L3MBTL4: variants seen among roughly 807,000 people sequenced by gnomAD.
The protein encoded by L3MBTL4 is lethal(3)malignant brain tumor-like protein 4.
A neutral mutation model predicts 84.5 loss-of-function variants in L3MBTL4; 70 were observed. The observed-to-expected ratio is 0.83, with a 90% CI of 0.68 to 1.01. The LOEUF (loss-of-function observed/expected upper bound fraction) is 1.01, where lower values mean the gene tolerates loss of function less well. L3MBTL4 is among the 50% of genes least tolerant of loss of function. The pLI is 0.00. For synonymous variants in L3MBTL4, 274 were observed against 259.8 expected (o/e 1.05, Z -0.52); for missense variants, 715 against 754.8 (o/e 0.95, Z 0.62).
intron 12 of L3MBTL4, among the ~76,000 whole-genome samples, chr18:6,212,163 T>G (rs1364144703): frequency 1.3e-5 from 2 of 152,190 alleles, no homozygotes; most frequent in African/African-American, 4.8e-5. Context: ...TTATTTAACA[T>G]AGTTTTTGTT....
At chr18:6,177,234 ACATT>A in intron 12 of L3MBTL4, among the ~76,000 whole-genome samples, 1 of 152,370 alleles carries the variant, frequency 6.6e-6, no homozygotes, top group South Asian at 2.1e-4. Context: ...CAACAGGTGA[ACATT>A]CATTCACAAA....
chr18:6,133,817 G>A (rs1320348256), intron 14 of L3MBTL4, among the ~76,000 whole-genome samples: 1 of 152,192 alleles, frequency 6.6e-6, no homozygotes, highest in Non-Finnish European at 1.5e-5. Flanking sequence ...TAAGATCTCA[G>A]GAGTTGGGTG....
intron 1 of L3MBTL4, among the ~76,000 whole-genome samples, chr18:6,383,931 GC>G (rs2054707527): frequency 6.6e-6 from 1 of 152,150 alleles, no homozygotes; most frequent in South Asian, 2.1e-4. Flanking sequence ...ATTACCAATT[GC>G]CTTCATCAAG....
chr18:6,372,004 G>A (rs2054177534), intron 1 of L3MBTL4, among the ~76,000 whole-genome samples: 1 of 152,154 alleles, frequency 6.6e-6, no homozygotes. Context: ...AGTGCTCCTG[G>A]GCCCTTGGGC....
intron 1 of L3MBTL4, among the ~76,000 whole-genome samples, chr18:6,354,211 G>A (rs1351839410): frequency 6.6e-6 from 1 of 152,100 alleles, no homozygotes; most frequent in Non-Finnish European, 1.5e-5. Flanking sequence ...AAATGGTGTT[G>A]GGAAAAGTGG....
intron 13 of L3MBTL4, among the ~76,000 whole-genome samples, chr18:6,142,800 T>C (rs2060237874): frequency 6.6e-6 from 1 of 152,160 alleles, no homozygotes; most frequent in Non-Finnish European, 1.5e-5. Context: ...CATGTACCGA[T>C]AGTCCTAGCT....
intron 1 of L3MBTL4, among the ~76,000 whole-genome samples, chr18:6,320,418 C>T (rs184434852): frequency 1.9e-4 from 29 of 152,116 alleles, no homozygotes; most frequent in African/African-American, 6.7e-4. Context: ...TAAATTAATT[C>T]GGTAAAGTCT....
chr18:6,346,145 T>A (rs1180575900), intron 1 of L3MBTL4, among the ~76,000 whole-genome samples: 1 of 148,118 alleles, frequency 6.8e-6, no homozygotes, highest in Non-Finnish European at 1.5e-5. Flanking sequence ...GATGTATATA[T>A]GCAAAATGAA....
At chr18:6,283,160 A>C (rs992920227) in intron 4 of L3MBTL4, among the ~76,000 whole-genome samples, 6 of 152,200 alleles carry the variant, frequency 3.9e-5, no homozygotes. Context: ...ATAATCCTAT[A>C]TATCTGTTAA....
chr18:6,084,207 G>A (rs767731944), intron 15 of L3MBTL4, among the ~76,000 whole-genome samples: 2 of 152,120 alleles, frequency 1.3e-5, no homozygotes, highest in Non-Finnish European at 2.9e-5. Flanking sequence ...ACTATGCCCC[G>A]TAAGTCGAAT....
chr18:6,343,435 G>A lies in L3MBTL4; in HGVS notation c.-90-31379C>T, dbSNP rs139281412. ...TCCCAGCACTCTGGGAGGCCGAGGC[G>A]GGCAGATCACAAGATCAGGAGATTG... On this transcript the variant is annotated intron_variant, in intron 1 of 18. Transcript: ENST00000317931. Among the ~76,000 whole-genome samples, 455 of 152,082 alleles carry A rather than the reference G, an allele frequency of 3.0e-3. 2 individuals are homozygous for A. The highest frequency in any genetic ancestry group is 2.3e-3 in the Non-Finnish European group (154 of 67,984).
At chr18:6,317,080 C>T (rs1241065641) in intron 1 of L3MBTL4, among the ~76,000 whole-genome samples, 1 of 152,150 alleles carries the variant, frequency 6.6e-6, no homozygotes, top group Non-Finnish European at 1.5e-5. Flanking sequence ...GCCATTCCAA[C>T]CCCATAGGAG....
chr18:6,348,395 C>A (rs1263862316), intron 1 of L3MBTL4, among the ~76,000 whole-genome samples: 1 of 151,954 alleles, frequency 6.6e-6, no homozygotes, highest in South Asian at 2.1e-4. Context: ...AACAGCATGA[C>A]CCCAACAGAA....
intron 14 of L3MBTL4, among the ~76,000 whole-genome samples, chr18:6,128,827 G>A (rs556121960): frequency 4.1e-4 from 62 of 152,176 alleles, no homozygotes; most frequent in Non-Finnish European, 6.6e-4. Context: ...CTGGAAGGCA[G>A]CTGTGCAGCA....
chr18:6,252,088 G>T (rs909672551), intron 5 of L3MBTL4, among the ~76,000 whole-genome samples: 1 of 152,194 alleles, frequency 6.6e-6, no homozygotes, highest in Non-Finnish European at 1.5e-5. Context: ...AAGGTGGGTG[G>T]ATCACCTGAG....
At chr18:6,051,269 T>C (rs1164050434) in intron 16 of L3MBTL4, among the ~76,000 whole-genome samples, 1 of 152,246 alleles carries the variant, frequency 6.6e-6, no homozygotes, top group Non-Finnish European at 1.5e-5. Context: ...CCGGGCGCAG[T>C]GGCTCACGCC....
intron 16 of L3MBTL4, among the ~76,000 whole-genome samples, chr18:6,034,771 A>C (rs546079539): frequency 2.1e-4 from 32 of 152,038 alleles, no homozygotes; most frequent in Admixed American, 1.4e-3. Flanking sequence ...CCAACAGTGT[A>C]AAAGTGTTCC....
At chr18:6,078,112 C>CAA (rs533262168) in intron 16 of L3MBTL4, among the ~76,000 whole-genome samples, 7 of 91,882 alleles carry the variant, frequency 7.6e-5, no homozygotes, top group East Asian at 3.1e-4. Context: ...ATGCCCAGAC[C>CAA]AAAAAAAAAA....
At chr18:6,197,725 C>T in intron 12 of L3MBTL4, among the ~76,000 whole-genome samples, 1 of 152,218 alleles carries the variant, frequency 6.6e-6, no homozygotes, top group Non-Finnish European at 1.5e-5. Context: ...GTCTGTGTAG[C>T]TGCAGACTGT....
Sources: allele counts gnomAD v4.1 joint callset (sites outside exome capture counted in the v4.1 genomes callset), GRCh38; gene constraint gnomAD v4.1.1; transcripts MANE v1.5; gene names NCBI Gene and HGNC (gene_info 2026-07-23, HGNC 2026-07-21).